The following KIF16B variants were observed in gnomAD, a reference collection of about 807,000 sequenced individuals.
KIF16B encodes kinesin family member 16B.
KIF16B carries 98 observed loss-of-function variants against 156.3 expected under a neutral mutation model. The ratio of observed to expected loss-of-function variants is 0.63; its 90% CI spans 0.53 to 0.74. The LOEUF (loss-of-function observed/expected upper bound fraction) is 0.74. Ranked by LOEUF, KIF16B falls within the 30% of genes least tolerant of loss-of-function variation. The pLI, the probability that KIF16B is intolerant of heterozygous loss-of-function variation, is 0.00. For synonymous variants in KIF16B, 564 were observed against 583.7 expected, an observed-to-expected ratio of 0.97 and a Z score of 0.49; for missense variants, 1,421 against 1,606.5, an observed-to-expected ratio of 0.88 and a Z score of 1.97.
At chr20:16,292,598 GA>G (rs1336841741) in intron 25 of KIF16B, among the ~76,000 whole-genome samples, 1 of 152,222 alleles carries the variant, frequency 6.6e-6, no homozygotes, top group African/African-American at 2.4e-5. Flanking sequence ...GCATTTGCAA[GA>G]AAGCCTACTG....
At chr20:16,369,825 A>T (rs530692175) in intron 22 of KIF16B, among the ~76,000 whole-genome samples, 6 of 152,230 alleles carry the variant, frequency 3.9e-5, no homozygotes, top group Non-Finnish European at 8.8e-5. Flanking sequence ...TGGAAGGACT[A>T]CTGTGCACCT....
At chr20:16,382,176 G>C in intron 17 of KIF16B, 1 of 1,214,230 alleles carries the variant, frequency 8.2e-7, no homozygotes, top group Non-Finnish European at 1.1e-6. Flanking sequence ...AGAGAGCACA[G>C]ACATCAATTA....
At chr20:16,313,189 C>T (rs1259948645) in intron 24 of KIF16B, among the ~76,000 whole-genome samples, 1 of 152,174 alleles carries the variant, frequency 6.6e-6, no homozygotes, top group African/African-American at 2.4e-5. Flanking sequence ...GCAATAATTG[C>T]TGCAGTTGCA....
At position 16,497,684 on chromosome 20, in the gene KIF16B, A is replaced by C. The variant is rs774627812; in HGVS notation, c.1177-6T>G. On this transcript the variant is annotated splice_polypyrimidine_tract_variant and splice_region_variant and intron_variant, in intron 10 of 25. Coordinates refer to ENST00000354981, the MANE Select transcript of KIF16B (RefSeq NM_024704.5). ...GGGGAGTCTAAGAGGGCAATCTACA[A>C]TATAAACCATAAAAGAAATCAGCAA... 1.3e-6 allele frequency: 2 copies of C among 1,587,676 alleles called. No homozygotes were observed. Among genetic ancestry groups the C allele is most frequent in the East Asian group, 2.2e-5 (1 of 44,712 alleles).
intron 17 of KIF16B, among the ~76,000 whole-genome samples, chr20:16,398,318 A>C (rs988106779): frequency 2.6e-4 from 39 of 152,318 alleles, no homozygotes; most frequent in Admixed American, 2.2e-3. Flanking sequence ...TGGAGAACAA[A>C]GTCAGAGATG....
chr20:16,515,533 G>A lies in KIF16B; in HGVS notation c.348+15C>T. On this transcript the variant is annotated intron_variant, in intron 4 of 25. Coordinates refer to ENST00000354981, the MANE Select transcript of KIF16B (RefSeq NM_024704.5). Reference sequence around the variant, plus strand: ...TAATGAGAAATTTCCTTCCCACACAGTATAAACAACGTACAGAATTTCCCA... The same window carrying A: ...TAATGAGAAATTTCCTTCCCACACAATATAAACAACGTACAGAATTTCCCA... 1 of 1,337,316 alleles carries A rather than the reference G, an allele frequency of 7.5e-7. No individual in the cohort carries two copies. The highest frequency in any genetic ancestry group is 1.1e-6 in the Non-Finnish European group (1 of 928,076). The allele number at this position is 1,337,316 out of a possible 1,614,324, so 82.8% of individuals were successfully genotyped here.
chr20:16,538,069 T>C (rs1176514952), intron 1 of KIF16B, among the ~76,000 whole-genome samples: 1 of 152,080 alleles, frequency 6.6e-6, no homozygotes. Flanking sequence ...TGATAAACCA[T>C]TAGAAACAAC....
intron 22 of KIF16B, chr20:16,368,464 G>A: frequency 1.0e-6 from 1 of 986,284 alleles, no homozygotes; most frequent in South Asian, 4.7e-5. Context: ...GACGAATGTT[G>A]TTACCTGGGA....
chr20:16,507,872 T>C (rs2068833256), intron 7 of KIF16B, 86 bp downstream of exon 7: 2 of 1,420,746 alleles, frequency 1.4e-6, no homozygotes, highest in Non-Finnish European at 1.9e-6. Context: ...CTGCTCCTGG[T>C]TCAACAATGA....
At chr20:16,425,025 C>A (rs895125739) in intron 15 of KIF16B, among the ~76,000 whole-genome samples, 1 of 152,046 alleles carries the variant, frequency 6.6e-6, no homozygotes, top group African/African-American at 2.4e-5. Context: ...AAAGGTTGTA[C>A]ACAAACACAC....
intron 19 of KIF16B, among the ~76,000 whole-genome samples, chr20:16,377,775 C>T (rs2064989891): frequency 1.3e-5 from 2 of 152,156 alleles, no homozygotes; most frequent in Non-Finnish European, 2.9e-5. Context: ...GTCTTGCCAT[C>T]AAGTCTTCAA....
intron 24 of KIF16B, among the ~76,000 whole-genome samples, chr20:16,315,838 T>C (rs749965043): frequency 7.2e-5 from 11 of 152,196 alleles, no homozygotes; most frequent in African/African-American, 2.4e-5. Context: ...AAAGTTCCAA[T>C]GTGGCTCATG....
At chr20:16,533,591 G>C in intron 1 of KIF16B, among the ~76,000 whole-genome samples, 1 of 152,126 alleles carries the variant, frequency 6.6e-6, no homozygotes. Context: ...AATATGAATG[G>C]ATATACCATA....
intron 1 of KIF16B, among the ~76,000 whole-genome samples, chr20:16,539,034 G>A (rs144392188): frequency 3.9e-5 from 6 of 152,148 alleles, no homozygotes; most frequent in African/African-American, 1.2e-4. Flanking sequence ...TTCCTGTATA[G>A]CCATCAGTGC....
chr20:16,332,496 A>G (rs540539533), intron 24 of KIF16B, among the ~76,000 whole-genome samples: 1 of 152,350 alleles, frequency 6.6e-6, no homozygotes, highest in South Asian at 2.1e-4. Context: ...TTTTCCTTCA[A>G]ATACATGAAC....
At chr20:16,523,861 G>A (rs886392346) in intron 3 of KIF16B, among the ~76,000 whole-genome samples, 7 of 152,150 alleles carry the variant, frequency 4.6e-5, no homozygotes, top group African/African-American at 1.7e-4. Context: ...GAACAGAACA[G>A]AGGCCGCAGA....
At chr20:16,438,025 T>C (rs1375274296) in intron 12 of KIF16B, among the ~76,000 whole-genome samples, 12 of 150,514 alleles carry the variant, frequency 8.0e-5, no homozygotes, top group African/African-American at 2.9e-4. Context: ...CGTGCACCTG[T>C]AGTCCTAGCT....
intron 12 of KIF16B, among the ~76,000 whole-genome samples, chr20:16,462,642 C>CA (rs201772819): frequency 2.5e-4 from 37 of 150,950 alleles, no homozygotes; most frequent in South Asian, 1.3e-3. Context: ...TACAGGAGCT[C>CA]AAAAAAAAAT....
At chr20:16,477,312 G>C (rs1305628486) in intron 12 of KIF16B, among the ~76,000 whole-genome samples, 1 of 151,040 alleles carries the variant, frequency 6.6e-6, no homozygotes, top group East Asian at 2.0e-4. Context: ...TGATCTCTAA[G>C]ATCTCTCTAA....
Sources: allele counts gnomAD v4.1 joint callset (sites outside exome capture counted in the v4.1 genomes callset), GRCh38; gene constraint gnomAD v4.1.1; transcripts MANE v1.5; gene names NCBI Gene and HGNC (gene_info 2026-07-23, HGNC 2026-07-21).